Variants in USP26 observed in about 807,000 individuals in gnomAD.
USP26 encodes ubiquitin carboxyl-terminal hydrolase 26.
For missense variants in USP26, 649 were observed against 642.3 expected (o/e 1.01, Z -0.11); for synonymous variants, 236 against 240.6 (o/e 0.98, Z 0.18).
At chrX:133,047,381 G>A (rs1251953234) in intron 5 of USP26, among the ~76,000 whole-genome samples, 1 of 112,169 alleles carries the variant, frequency 8.9e-6, no homozygotes, top group Non-Finnish European at 1.9e-5. Context: ...TTGGAGAGCA[G>A]CAGGGCATAT....
chrX:133,085,265 C>T, intron 4 of USP26, among the ~76,000 whole-genome samples: 1 of 112,211 alleles, frequency 8.9e-6, no homozygotes, highest in Non-Finnish European at 1.9e-5. Flanking sequence ...TTTGCATCCT[C>T]ATAGCTTAGC....
chrX:133,028,080 A>G lies in USP26; in HGVS notation c.141T>C (p.Tyr47=), dbSNP rs758349616. Residue 47 remains tyrosine (Y), a synonymous_variant, in exon 6 of 6, where the codon TAT becomes TAC. Coordinates refer to ENST00000511190, the MANE Select transcript of USP26 (RefSeq NM_031907.3). The part of the protein sequence containing the change: ...RLVLYFKSGK[Y]STFRLSDNIQ... Reference sequence around the variant, plus strand: ...TATTATCACTTAGCCGAAAAGTGCTATATTTTCCACTTTTGAAATACAGCA... The same window carrying G: ...TATTATCACTTAGCCGAAAAGTGCTGTATTTTCCACTTTTGAAATACAGCA... 5.0e-5 allele frequency: 61 copies of G among 1,209,301 alleles called. No individual in the cohort carries two copies. Among genetic ancestry groups the G allele is most frequent in the Non-Finnish European group, 3.1e-5 (28 of 894,680 alleles).
intron 5 of USP26, among the ~76,000 whole-genome samples, chrX:133,042,516 G>C (rs112623284): frequency 0.034 from 3,768 of 111,084 alleles, 98 homozygotes; most frequent in East Asian, 0.1. Flanking sequence ...CACTCTCTGT[G>C]GGTTGCACCC....
rs1198274048 is a variant in USP26, at chrX:133,032,080, C to T, written c.-76-3784G>A. Reference sequence around the variant, plus strand: ...AGGAGAATCACTTGAACCTGGGAAACGGAGGTTGCAGTGCGCCGAGTTCAT... The same window carrying T: ...AGGAGAATCACTTGAACCTGGGAAATGGAGGTTGCAGTGCGCCGAGTTCAT... On this transcript the variant is annotated intron_variant, in intron 5 of 5. Coordinates refer to ENST00000511190, the MANE Select transcript of USP26 (RefSeq NM_031907.3). 9.0e-5 allele frequency among the ~76,000 whole-genome samples: 10 copies of T among 111,338 alleles called. No homozygotes were observed. In the South Asian group the frequency reaches 2.3e-3, roughly 25 times the overall value.
At chrX:133,072,786 A>G (rs975597510) in intron 5 of USP26, among the ~76,000 whole-genome samples, 11 of 111,949 alleles carry the variant, frequency 9.8e-5, no homozygotes, top group African/African-American at 3.2e-4. Flanking sequence ...AAGAAACCTT[A>G]TAGGTCACAT....
Position 133,027,542 on chromosome X carries a change from A to T in USP26, c.679T>A (p.Leu227Ile). The T allele has an allele frequency of 1.5e-5, 18 of 1,208,658 alleles. No homozygotes were observed. Among genetic ancestry groups the T allele is most frequent in the Non-Finnish European group, 2.0e-5 (18 of 893,823 alleles). The change falls in exon 6 of 6, where the codon TTA becomes ATA. Residue 227 changes from leucine to isoleucine, a missense_variant. Leu to Ile is a conservative substitution (Grantham distance 5). Coordinates refer to ENST00000511190, the MANE Select transcript of USP26 (RefSeq NM_031907.3). ...CATTCCAATTTCTTATTCTCTTCTA[A>T]CTCTTTTAACTTCAATTGTTTCTCT... ...NREKQLKLKE[L>I]EENKKLECES...
In USP26 at chrX:133,027,807, T is replaced by C; in HGVS notation, c.414A>G (p.Lys138=). 1 of 1,209,688 alleles carries C rather than the reference T, an allele frequency of 8.3e-7. No homozygotes were observed. Among genetic ancestry groups the C allele is most frequent in the Non-Finnish European group, 1.1e-6 (1 of 894,345 alleles). Residue 138 remains lysine, a synonymous_variant, in exon 6 of 6, where the codon AAA becomes AAG. Transcript: ENST00000511190. ...CTATCTCAAAAGATTTGCTACTTGA[T>C]TTCTCATCAACTTTGTGGAATGAAG... ...NKTSFHKVDE[K]SSSKSFEIAK...
chrX:133,075,624 G>A (rs369580624), intron 5 of USP26, among the ~76,000 whole-genome samples: 51 of 111,321 alleles, frequency 4.6e-4, no homozygotes, highest in South Asian at 1.1e-3. Flanking sequence ...GCCCTTAGAC[G>A]GAAAGTATTT....
rs1276939387 is a variant in USP26, at chrX:133,025,660, C to A, written c.2561G>T (p.Trp854Leu). Residue 854 changes from tryptophan (W) to leucine (L), a missense_variant, in exon 6 of 6, where the codon TGG becomes TTG. Physicochemically the swap from Trp to Leu is moderately conservative, Grantham distance 61. Transcript: ENST00000511190. Reference protein sequence around the residue: ...CDAYDFEKQIWFTYDDMRVLG... With the variant: ...CDAYDFEKQILFTYDDMRVLG... The stretch of plus-strand genomic sequence containing the variant: ...CACCCGCATATCATCGTAAGTGAAC[C>A]AGATCTGTTTCTCAAAGTCATAGGC... 5 of 1,209,687 alleles carry A rather than the reference C, an allele frequency of 4.1e-6. No homozygotes were observed. Among genetic ancestry groups the A allele is most frequent in the Non-Finnish European group, 5.6e-6 (5 of 895,160 alleles).
In USP26 at chrX:133,087,991, G is replaced by A. The variant is rs1377332972; in HGVS notation, c.-142+2122C>T. Reference sequence around the variant, plus strand: ...TCCAGACAAGCCTGGGCAACATAGGGACATCCCATTTCAACAAAAAAAGTA... The same window carrying A: ...TCCAGACAAGCCTGGGCAACATAGGAACATCCCATTTCAACAAAAAAAGTA... On this transcript the variant is annotated intron_variant, in intron 4 of 5. Coordinates refer to ENST00000511190, the MANE Select transcript of USP26 (RefSeq NM_031907.3). 3.6e-5 allele frequency among the ~76,000 whole-genome samples: 4 copies of A among 111,353 alleles called. No individual in the cohort carries two copies. In the Admixed American group the frequency reaches 3.8e-4, roughly 11 times the overall value.
chrX:133,082,982 G>A (rs887936189), intron 5 of USP26, among the ~76,000 whole-genome samples: 21 of 110,966 alleles, frequency 1.9e-4, no homozygotes, highest in South Asian at 3.8e-4. Flanking sequence ...TCAAGGTAAG[G>A]GCAATATTTA....
At chrX:133,061,156 G>T (rs770705881) in intron 5 of USP26, among the ~76,000 whole-genome samples, 16 of 111,465 alleles carry the variant, frequency 1.4e-4, no homozygotes, top group African/African-American at 2.3e-4. Flanking sequence ...TCATTACCTT[G>T]ACACATGTTA....
At chrX:133,095,609 A>G (rs1226830407) in intron 1 of USP26, among the ~76,000 whole-genome samples, 1 of 111,751 alleles carries the variant, frequency 8.9e-6, no homozygotes, top group African/African-American at 3.3e-5. Flanking sequence ...TGCCAACAAT[A>G]TTTTTTTAAG....
At chrX:133,029,841 A>T (rs2067369857) in intron 5 of USP26, among the ~76,000 whole-genome samples, 1 of 111,659 alleles carries the variant, frequency 9.0e-6, no homozygotes, top group South Asian at 3.8e-4. Context: ...ACTACATTTC[A>T]TTCCAGATGA....
At chrX:133,068,914 G>T (rs970294661) in intron 5 of USP26, among the ~76,000 whole-genome samples, 7 of 112,225 alleles carry the variant, frequency 6.2e-5, no homozygotes, top group African/African-American at 2.3e-4. Context: ...TTAAGAATGA[G>T]CTAATTATTA....
intron 5 of USP26, among the ~76,000 whole-genome samples, chrX:133,073,747 C>G (rs1331201609): frequency 9.0e-6 from 1 of 111,406 alleles, no homozygotes; most frequent in Non-Finnish European, 1.9e-5. Flanking sequence ...GATGGCAAAG[C>G]CTTTCTAATG....
intron 5 of USP26, among the ~76,000 whole-genome samples, chrX:133,080,009 TC>T (rs750180281): frequency 9.0e-5 from 10 of 111,050 alleles, no homozygotes; most frequent in Non-Finnish European, 1.1e-4. Flanking sequence ...GGAATTAGTG[TC>T]CAGAGGAAAG....
At chrX:133,044,467 C>CA (rs771259534) in intron 5 of USP26, among the ~76,000 whole-genome samples, 1 of 113,533 alleles carries the variant, frequency 8.8e-6, no homozygotes, top group East Asian at 2.8e-4. Flanking sequence ...GCCCTGCACT[C>CA]AGAGTGGCTG....
chrX:133,080,479 GAA>G (rs1417714160), intron 5 of USP26, among the ~76,000 whole-genome samples: 1 of 111,571 alleles, frequency 9.0e-6, no homozygotes, highest in Non-Finnish European at 1.9e-5. Flanking sequence ...AAAGCTGAAG[GAA>G]AACTGTCAAG....
Sources: allele counts gnomAD v4.1 joint callset (sites outside exome capture counted in the v4.1 genomes callset), GRCh38; gene constraint gnomAD v4.1.1; transcripts MANE v1.5; gene names NCBI Gene and HGNC (gene_info 2026-07-23, HGNC 2026-07-21).